The following SLC14A2 variants were observed in gnomAD, a reference collection of about 807,000 sequenced individuals.
The protein encoded by SLC14A2 is solute carrier family 14 member 2.
A neutral mutation model predicts 104.6 loss-of-function variants in SLC14A2; 91 were observed. That is an observed-to-expected ratio of 0.87 (90% CI 0.73 to 1.04). The LOEUF (loss-of-function observed/expected upper bound fraction) is 1.04, where lower values mean the gene tolerates loss of function less well. Ranked by LOEUF, SLC14A2 falls within the 50% of genes least tolerant of loss-of-function variation. The pLI, the probability that SLC14A2 is intolerant of heterozygous loss-of-function variation, is 0.00. For synonymous variants in SLC14A2, 476 were observed against 466.4 expected, an observed-to-expected ratio of 1.02 and a Z score of -0.27; for missense variants, 1,189 against 1,156.0, an observed-to-expected ratio of 1.03 and a Z score of -0.41.
intron 1 of SLC14A2, among the ~76,000 whole-genome samples, chr18:45,316,287 C>T (rs181690089): frequency 2.0e-5 from 3 of 152,136 alleles, no homozygotes; most frequent in African/African-American, 2.4e-5. Flanking sequence ...GGTCTCAGTC[C>T]GAAAAGACCC....
At chr18:45,402,553 C>T (rs746646476) in intron 1 of SLC14A2, among the ~76,000 whole-genome samples, 10 of 152,242 alleles carry the variant, frequency 6.6e-5, no homozygotes, top group South Asian at 6.2e-4. Context: ...GTTTATCTGG[C>T]GAATGTCCCA....
intron 1 of SLC14A2, among the ~76,000 whole-genome samples, chr18:45,397,244 C>G (rs1336522933): frequency 1.4e-4 from 21 of 152,148 alleles, no homozygotes. Context: ...TGCCATACTG[C>G]TTTCCACAAT....
chr18:45,168,989 C>T, the SLC14A2 span: 1 of 152,118 alleles, frequency 6.6e-6, no homozygotes, highest in Non-Finnish European at 1.5e-5. Context: ...TCATTTTCTG[C>T]TGCATATGGG....
chr18:45,440,233 ATTTTC>A lies in SLC14A2; in HGVS notation c.-124-42997_-124-42993del, dbSNP rs2086662107. The A allele has an allele frequency of 3.3e-5, 4 of 120,056 alleles. No homozygotes were observed. The East Asian group carries it at 9.4e-4, about 28-fold the overall frequency. The allele number at this position is 120,056 out of a possible 1,614,324, so 7.4% of individuals were successfully genotyped here. A position where few individuals can be genotyped will look rare whatever the true frequency, so the allele number is the denominator to read the frequency against. ...CATTTTTCAAGTTTTTTTTTTTTTAATTTTCTTCATGACATCTGGACTAAATCCAG... is the reference window on the plus strand; with the variant it reads ...CATTTTTCAAGTTTTTTTTTTTTTAATTCATGACATCTGGACTAAATCCAG... On this transcript the variant is annotated intron_variant, in intron 1 of 20. Transcript: ENST00000586448.
intron 1 of SLC14A2, among the ~76,000 whole-genome samples, chr18:45,619,041 G>C (rs1431687892): frequency 6.6e-6 from 1 of 152,226 alleles, no homozygotes; most frequent in Non-Finnish European, 1.5e-5. Flanking sequence ...TCCAAACCTA[G>C]ACACTAAGGA....
chr18:45,601,497 G>T (rs950995270), intron 2 of SLC14A2, among the ~76,000 whole-genome samples: 5 of 152,188 alleles, frequency 3.3e-5, no homozygotes, highest in Admixed American at 2.0e-4. Flanking sequence ...AAGGGACAAG[G>T]TTGGATCCAT....
chr18:45,174,836 A>G, the SLC14A2 span, among the ~76,000 whole-genome samples: 1 of 152,182 alleles, frequency 6.6e-6, no homozygotes, highest in African/African-American at 2.4e-5. Flanking sequence ...GAGCTAACAG[A>G]AAAGGAAATG....
chr18:45,204,557 T>A, the SLC14A2 span, among the ~76,000 whole-genome samples: 1 of 152,212 alleles, frequency 6.6e-6, no homozygotes, highest in East Asian at 1.9e-4. Flanking sequence ...TCTTATTTTG[T>A]CTTATAAATA....
At chr18:45,254,267 G>A (rs1234977046) in intron 1 of SLC14A2, among the ~76,000 whole-genome samples, 3 of 152,222 alleles carry the variant, frequency 2.0e-5, no homozygotes, top group African/African-American at 4.8e-5. Context: ...AAATTGTCAT[G>A]TCCTGTATTT....
chr18:45,176,707 G>A, the SLC14A2 span, among the ~76,000 whole-genome samples: 3 of 152,254 alleles, frequency 2.0e-5, no homozygotes, highest in East Asian at 5.8e-4. Flanking sequence ...TTTTCTCTCT[G>A]CATTGTGGAC....
In SLC14A2 at chr18:45,669,378, T is replaced by C. The variant is rs776754457; in HGVS notation, c.2109T>C (p.Asn703=). The stretch of plus-strand genomic sequence containing the variant: ...TCCCAGTCTTCACACTGCCCTTCAA[T>C]ATCACTGTGACTTTGTACCTGGCAG... ...WDLPVFTLPF[N]ITVTLYLAAT... Residue 703 remains asparagine, a synonymous_variant, in exon 16 of 20, where the codon AAT becomes AAC. Coordinates refer to ENST00000255226, the MANE Select transcript of SLC14A2 (RefSeq NM_007163.4). 9.3e-6 allele frequency: 15 copies of C among 1,614,126 alleles called. No individual in the cohort carries two copies. Among genetic ancestry groups the C allele is most frequent in the Non-Finnish European group, 1.3e-5 (15 of 1,179,982 alleles).
upstream of SLC14A2, among the ~76,000 whole-genome samples, chr18:45,211,716 A>G (rs182407966): frequency 1.6e-3 from 244 of 152,276 alleles, 1 homozygote; most frequent in African/African-American, 5.6e-3. Context: ...TAAACACTCA[A>G]TGTACACTAC....
intron 1 of SLC14A2, among the ~76,000 whole-genome samples, chr18:45,475,147 T>C (rs1688521156): frequency 1.3e-5 from 2 of 152,252 alleles, no homozygotes; most frequent in Admixed American, 1.3e-4. Flanking sequence ...CCAGTATTCA[T>C]TCAGGAGCAG....
chr18:45,411,921 G>A (rs2086219525), intron 1 of SLC14A2, among the ~76,000 whole-genome samples: 1 of 152,118 alleles, frequency 6.6e-6, no homozygotes, highest in Non-Finnish European at 1.5e-5. Flanking sequence ...GTATTTCAAG[G>A]AAGCTTTCCC....
chr18:45,666,156 C>A lies in SLC14A2; in HGVS notation c.1494C>A (p.His498Gln), dbSNP rs761896521. Residue 498 changes from histidine (H) to glutamine (Q), a missense_variant, in exon 12 of 20, where the codon CAC becomes CAA. By Grantham distance (24) the His-to-Gln change is conservative. Coordinates refer to ENST00000255226, the MANE Select transcript of SLC14A2 (RefSeq NM_007163.4). The stretch of plus-strand genomic sequence containing the variant: ...CTCCAGTGTTTGGAAAAGGCGAACA[C>A]CAGGAAAGACAAAACAAAGACCCAT... Reference protein sequence around the residue: ...RRSKVFGKGEHQERQNKDPFP... With the variant: ...RRSKVFGKGEQQERQNKDPFP... 4 of 1,613,660 alleles carry A rather than the reference C, an allele frequency of 2.5e-6. No homozygotes were observed. The South Asian group carries it at 4.4e-5, about 18-fold the overall frequency.
intron 1 of SLC14A2, among the ~76,000 whole-genome samples, chr18:45,264,833 C>G (rs1347311365): frequency 1.3e-5 from 2 of 152,126 alleles, no homozygotes; most frequent in Non-Finnish European, 2.9e-5. Context: ...ACAGCCAAAC[C>G]ATTTCACTTA....
At chr18:45,376,126 A>G (rs2085772313) in intron 1 of SLC14A2, among the ~76,000 whole-genome samples, 1 of 152,158 alleles carries the variant, frequency 6.6e-6, no homozygotes, top group South Asian at 2.1e-4. Context: ...CAGGGCACAT[A>G]GTTTCTTCTC....
At chr18:45,534,014 A>C (rs2043741274) in intron 2 of SLC14A2, among the ~76,000 whole-genome samples, 1 of 152,156 alleles carries the variant, frequency 6.6e-6, no homozygotes, top group South Asian at 2.1e-4. Flanking sequence ...CAAACAAAAA[A>C]CCTTGTTTAG....
At chr18:45,577,586 C>T (rs1007976125) in intron 2 of SLC14A2, among the ~76,000 whole-genome samples, 1 of 152,192 alleles carries the variant, frequency 6.6e-6, no homozygotes, top group Non-Finnish European at 1.5e-5. Flanking sequence ...TCAAAAGGTG[C>T]TAAATCCAAT....
Sources: gnomAD v4.1 joint callset for allele counts (sites outside exome capture counted in the v4.1 genomes callset) on GRCh38, gnomAD v4.1.1 for gene constraint, MANE v1.5 for transcripts, NCBI Gene and HGNC (gene_info 2026-07-23, HGNC 2026-07-21) for gene names.